Variants in LY9 observed in about 807,000 individuals in gnomAD.
LY9 encodes lymphocyte antigen 9.
A neutral mutation model predicts 64.6 loss-of-function variants in LY9; 59 were observed. That is an observed-to-expected ratio of 0.91 (90% CI 0.74 to 1.13). The LOEUF is 1.13. LY9 is among the 50% of genes most tolerant of loss of function. The pLI is 0.00. For synonymous variants in LY9, 281 were observed against 308.5 expected (o/e 0.91, Z 0.93); for missense variants, 789 against 797.2 (o/e 0.99, Z 0.12).
Position 160,801,710 on chromosome 1 carries a change from G to A in LY9, c.454+1628G>A. On this transcript the variant is annotated intron_variant, in intron 2 of 9. Coordinates refer to ENST00000263285, the MANE Select transcript of LY9 (RefSeq NM_002348.4). ...GGTCTTACATTCAAGTCTTTTAACT[G>A]ATTTTGAGGAGGTTTTTTATATGAT... is the stretch of plus-strand genomic sequence containing the variant. 3 of 1,111,008 alleles carry A rather than the reference G, an allele frequency of 2.7e-6. No individual in the cohort carries two copies. In the Admixed American group the frequency reaches 5.5e-5, roughly 20 times the overall value. 68.8% of individuals were successfully genotyped at this position (1,111,008 alleles called of 1,614,324 possible).
intron 4 of LY9, among the ~76,000 whole-genome samples, chr1:160,815,869 C>T (rs1275378233): frequency 1.3e-5 from 2 of 152,320 alleles, no homozygotes; most frequent in East Asian, 1.9e-4. Context: ...CAGCCCTGGG[C>T]CTCACAGGAG....
At position 160,819,364 on chromosome 1, in the gene LY9, G is replaced by A. The variant is rs368449231; in HGVS notation, c.1488G>A (p.Ala496=). 2.0e-5 allele frequency: 33 copies of A among 1,613,132 alleles called. No individual in the cohort carries two copies. The highest frequency in any genetic ancestry group is 1.2e-4 in the Admixed American group (7 of 59,974). The change falls in exon 7 of 10, where the codon GCG becomes GCA. Residue 496 remains alanine, a synonymous_variant. Transcript: ENST00000263285. ...AFCSSQAEAP[A]DTPEPTAGHT... ...GTTCCAGCCAAGCTGAGGCCCCAGC[G>A]GATACACCAGGTAACATCACCCATG...
rs148656087 is a variant in LY9 at position 160,816,634 on chromosome 1, C to G, written c.1113C>G (p.His371Gln). 2 of 1,613,188 alleles carry G rather than the reference C, an allele frequency of 1.2e-6. No individual in the cohort carries two copies. The highest frequency in any genetic ancestry group is 2.2e-5 in the South Asian group (2 of 90,872). Residue 371 changes from histidine to glutamine, a missense_variant, in exon 5 of 10, where the codon CAC (histidine) becomes CAG (glutamine). Transcript: ENST00000263285. ...RKPKITWSLR[H>Q]SEDGICRISL... ...CCAAAATCACGTGGAGCCTCAGGCA[C>G]AGTGAGGATGGCATCTGCAGGATCA...
chr1:160,823,404 G>A, intron 7 of LY9, 61 bp from the exon 8 acceptor site: 2 of 1,342,350 alleles, frequency 1.5e-6, no homozygotes, highest in Admixed American at 2.0e-5. Context: ...GGGCCTTGCA[G>A]CAAAGCAAGA....
Position 160,814,364 on chromosome 1 carries a change from G to A in LY9, c.731-56G>A, listed in dbSNP as rs1018447477. ...CCTCAGTCCCCTTTAGGATGCCTGG[G>A]GGCCAAGGGAGTAGGGACAGTGACT... On this transcript the variant is annotated intron_variant, in intron 3 of 9. Coordinates refer to ENST00000263285, the MANE Select transcript of LY9 (RefSeq NM_002348.4). 41 of 1,367,502 alleles carry A rather than the reference G, an allele frequency of 3.0e-5. No homozygotes were observed. In the South Asian group the frequency reaches 5.4e-4, roughly 18 times the overall value. The allele number at this position is 1,367,502 out of a possible 1,614,324, so 84.7% of individuals were successfully genotyped here.
chr1:160,826,144 A>C (rs925413008), intron 9 of LY9, among the ~76,000 whole-genome samples: 4 of 152,264 alleles, frequency 2.6e-5, no homozygotes, highest in African/African-American at 9.6e-5. Context: ...AGTAAGCTAG[A>C]GAAAAGAAAT....
intron 3 of LY9, 90 bp from the exon 4 acceptor site, chr1:160,814,330 C>T (rs1048702675): frequency 1.0e-6 from 1 of 981,904 alleles, no homozygotes. Flanking sequence ...GGAGGAGGGA[C>T]TTCAGTCCCC....
chr1:160,804,385 T>C (rs765808532), intron 2 of LY9, among the ~76,000 whole-genome samples: 19 of 152,252 alleles, frequency 1.2e-4, no homozygotes, highest in Non-Finnish European at 2.1e-4. Flanking sequence ...ATGTGATGTA[T>C]CACATTTATT....
At chr1:160,805,837 G>T (rs114819874) in intron 2 of LY9, among the ~76,000 whole-genome samples, 6 of 150,158 alleles carry the variant, frequency 4.0e-5, no homozygotes, top group African/African-American at 1.2e-4. Context: ...GGGTGCTCCA[G>T]TGTTGGGTGC....
In LY9 at chr1:160,802,093, G is replaced by C. The variant is rs185246322; in HGVS notation, c.454+2011G>C. On this transcript the variant is annotated intron_variant, in intron 2 of 9. Coordinates refer to ENST00000263285, the MANE Select transcript of LY9 (RefSeq NM_002348.4). ...ACCCACCCGCCGCCTCCCATGGCAC[G>C]TCGGGAACACCGGAGCCGCCAACTT... The C allele has an allele frequency of 4.3e-4, 595 of 1,379,736 alleles. 5 individuals are homozygous for C. The African/African-American group carries it at 8.0e-3, about 18-fold the overall frequency. The allele number at this position is 1,379,736 out of a possible 1,614,324, so 85.5% of individuals were successfully genotyped here.
intron 2 of LY9, among the ~76,000 whole-genome samples, chr1:160,801,590 C>T (rs1558084282): frequency 6.6e-6 from 1 of 152,050 alleles, no homozygotes; most frequent in Non-Finnish European, 1.5e-5. Flanking sequence ...TTTTTGTTAC[C>T]TGTGCTTTTG....
At position 160,796,186 on chromosome 1, in the gene LY9, T is replaced by A; in HGVS notation, c.-2T>A. On this transcript the variant is annotated 5_prime_UTR_variant, in exon 1 of 10. Transcript: ENST00000263285. Reference sequence around the variant, plus strand: ...CAGTCTCAGTTCTGAAAATAGATCATCATGGTGGCACCAAAGAGTCACACA... The same window carrying A: ...CAGTCTCAGTTCTGAAAATAGATCAACATGGTGGCACCAAAGAGTCACACA... 1 of 1,613,770 alleles carries A rather than the reference T, an allele frequency of 6.2e-7. No homozygotes were observed. The highest frequency in any genetic ancestry group is 8.5e-7 in the Non-Finnish European group (1 of 1,179,892).
chr1:160,821,155 A>AAAAAAAAAAAAAAC (rs1394939954), intron 7 of LY9, among the ~76,000 whole-genome samples: 2 of 150,044 alleles, frequency 1.3e-5, no homozygotes, highest in Non-Finnish European at 3.0e-5. Context: ...CTTTGCTAAA[A>AAAAAAAAAAAAAAC]AAAAAAAAAA....
intron 9 of LY9, among the ~76,000 whole-genome samples, chr1:160,827,063 C>T (rs1668890989): frequency 6.6e-6 from 1 of 152,210 alleles, no homozygotes; most frequent in South Asian, 2.1e-4. Context: ...CTCTTGACAA[C>T]TATATCTTTT....
At chr1:160,806,254 C>T (rs1000505412) in intron 2 of LY9, among the ~76,000 whole-genome samples, 1 of 152,066 alleles carries the variant, frequency 6.6e-6, no homozygotes, top group Non-Finnish European at 1.5e-5. Flanking sequence ...GTTTCTTTCT[C>T]TCTTATTGTT....
intron 9 of LY9, 46 bp downstream of exon 9, chr1:160,824,295 G>A (rs771772732): frequency 1.9e-5 from 30 of 1,611,380 alleles, no homozygotes; most frequent in Non-Finnish European, 2.5e-5. Flanking sequence ...ACAGAGTGAG[G>A]AACTATTCCT....
intron 2 of LY9, among the ~76,000 whole-genome samples, chr1:160,803,369 G>A (rs866975611): frequency 3.9e-5 from 6 of 152,200 alleles, no homozygotes; most frequent in African/African-American, 1.4e-4. Context: ...CCTTGAATCT[G>A]TAGATTCTTT....
intron 2 of LY9, chr1:160,810,650 G>A (rs1667402775): frequency 1.3e-5 from 2 of 152,062 alleles, no homozygotes; most frequent in African/African-American, 4.8e-5. Context: ...CTACCCTCTG[G>A]CCTCTCAAAA....
chr1:160,812,524 C>T (rs1383696603), intron 2 of LY9: 1 of 152,124 alleles, frequency 6.6e-6, no homozygotes, highest in Admixed American at 6.5e-5. Context: ...TGAATCAACT[C>T]CACATGTGTT....
Sources: allele counts gnomAD v4.1 joint callset (sites outside exome capture counted in the v4.1 genomes callset), GRCh38; gene constraint gnomAD v4.1.1; transcripts MANE v1.5; gene names NCBI Gene and HGNC (gene_info 2026-07-23, HGNC 2026-07-21).